Variants in PTPRN2 observed in about 807,000 individuals in gnomAD.
PTPRN2 encodes receptor-type tyrosine-protein phosphatase N2.
PTPRN2 carries 74 observed loss-of-function variants against 118.8 expected under a neutral mutation model. The observed-to-expected ratio is 0.62, with a 90% CI of 0.52 to 0.76. The LOEUF is 0.76. Among genes scored for constraint, PTPRN2 ranks in the 30% least tolerant of loss-of-function variants. PTPRN2 has a pLI of 0.00. For missense variants in PTPRN2, 1,481 were observed against 1,394.4 expected (o/e 1.06, Z -0.99); for synonymous variants, 641 against 608.0 (o/e 1.05, Z -0.80).
In PTPRN2 at chr7:157,968,167, G is replaced by A. The variant is rs1300815587; in HGVS notation, c.1724-69430C>T. On this transcript the variant is annotated intron_variant, in intron 11 of 22. Coordinates refer to ENST00000389418, the MANE Select transcript of PTPRN2 (RefSeq NM_002847.5). ...GACTCAATATTAAAAAAATTCACAT[G>A]GTGTTTTATGGTTTACAAGGCAGCC... is the stretch of plus-strand genomic sequence containing the variant. Among the ~76,000 whole-genome samples, 3 of 152,038 alleles carry A rather than the reference G, an allele frequency of 2.0e-5. No homozygotes were observed. The East Asian group carries it at 5.8e-4, about 29-fold the overall frequency.
At chr7:158,187,615 G>C (rs1195387093) in intron 5 of PTPRN2, among the ~76,000 whole-genome samples, 2 of 152,174 alleles carry the variant, frequency 1.3e-5, no homozygotes, top group East Asian at 3.8e-4. Context: ...AAGAAAATGA[G>C]TTCTGGGTTT....
chr7:158,299,281 G>A lies in PTPRN2; in HGVS notation c.277+17538C>T, dbSNP rs369250213. 2.8e-4 allele frequency among the ~76,000 whole-genome samples: 42 copies of A among 150,172 alleles called. 1 individual carries two copies. Among genetic ancestry groups the A allele is most frequent in the South Asian group, 1.9e-3 (9 of 4,636 alleles). ...CCTTCCCACCTTTCTGCAGATGCAC[G>A]CAGGGCTCTCAGGAAGCAATTTTTT... is the stretch of plus-strand genomic sequence containing the variant. On this transcript the variant is annotated intron_variant, in intron 3 of 22. Transcript: ENST00000389418.
intron 3 of PTPRN2, among the ~76,000 whole-genome samples, chr7:158,270,446 G>C (rs930120650): frequency 1.3e-5 from 2 of 152,142 alleles, no homozygotes; most frequent in African/African-American, 4.8e-5. Flanking sequence ...CCTTCACAGA[G>C]GGTGATCCTA....
intron 10 of PTPRN2, among the ~76,000 whole-genome samples, chr7:158,107,840 C>T (rs1419909308): frequency 6.6e-6 from 1 of 151,942 alleles, no homozygotes; most frequent in Non-Finnish European, 1.5e-5. Flanking sequence ...TCTGCATCTG[C>T]CCTGCACCTG....
chr7:158,127,754 G>A (rs567478137), intron 9 of PTPRN2, among the ~76,000 whole-genome samples: 1 of 152,254 alleles, frequency 6.6e-6, no homozygotes, highest in East Asian at 1.9e-4. Flanking sequence ...GGATTTAGAA[G>A]GCAGGTTCCT....
chr7:158,490,101 G>T (rs930827713), intron 1 of PTPRN2, among the ~76,000 whole-genome samples: 1 of 152,162 alleles, frequency 6.6e-6, no homozygotes, highest in African/African-American at 2.4e-5. Flanking sequence ...CGGGGCCGGG[G>T]CCTCCCCTTG....
Position 158,455,978 on chromosome 7 carries a change from G to A in PTPRN2, c.163+33757C>T, listed in dbSNP as rs369502485. ...AGAAGATAACGGCATGGACGCCATC[G>A]GCCACGGCCACCCATTGCTCTGCAG... is the stretch of plus-strand genomic sequence containing the variant. On this transcript the variant is annotated intron_variant, in intron 2 of 22. Transcript: ENST00000389418. 1.7e-4 allele frequency among the ~76,000 whole-genome samples: 26 copies of A among 149,838 alleles called. 1 individual carries two copies. The East Asian group carries it at 2.8e-3, about 16-fold the overall frequency.
At chr7:158,135,258 T>C (rs189003318) in intron 8 of PTPRN2, among the ~76,000 whole-genome samples, 2 of 152,348 alleles carry the variant, frequency 1.3e-5, no homozygotes, top group Admixed American at 1.3e-4. Flanking sequence ...ATTATTCCCA[T>C]TTTGGCTACA....
intron 3 of PTPRN2, among the ~76,000 whole-genome samples, chr7:158,249,184 C>T (rs879933742): frequency 5.9e-5 from 9 of 151,956 alleles, no homozygotes; most frequent in East Asian, 1.9e-4. Context: ...AGCACACACA[C>T]GAACACACAT....
Position 158,472,244 on chromosome 7 carries a change from G to A in PTPRN2, c.163+17491C>T, listed in dbSNP as rs146300673. ...AGAACGATGAACCACCATAAATTCCGTGGGCCTTTGAGAAGCCGAAGGGTG... is the reference window on the plus strand; with the variant it reads ...AGAACGATGAACCACCATAAATTCCATGGGCCTTTGAGAAGCCGAAGGGTG... On this transcript the variant is annotated intron_variant, in intron 2 of 22. Coordinates refer to ENST00000389418, the MANE Select transcript of PTPRN2 (RefSeq NM_002847.5). Among the ~76,000 whole-genome samples, 464 of 152,276 alleles carry A rather than the reference G, an allele frequency of 3.0e-3. 16 individuals are homozygous for A. In the South Asian group the frequency reaches 0.05, roughly 16 times the overall value.
At chr7:158,181,664 G>A (rs1824718702) in intron 5 of PTPRN2, among the ~76,000 whole-genome samples, 1 of 152,082 alleles carries the variant, frequency 6.6e-6, no homozygotes, top group Non-Finnish European at 1.5e-5. Context: ...ATTTAATCTA[G>A]GAGGGTTGTA....
At chr7:157,912,068 C>G (rs1382191145) in intron 11 of PTPRN2, among the ~76,000 whole-genome samples, 2 of 152,182 alleles carry the variant, frequency 1.3e-5, no homozygotes, top group African/African-American at 4.8e-5. Context: ...ACACGTGTCT[C>G]CAGGCCCATG....
chr7:157,988,300 GTCTC>G (rs932706747), intron 11 of PTPRN2, among the ~76,000 whole-genome samples: 2 of 150,870 alleles, frequency 1.3e-5, no homozygotes, highest in Non-Finnish European at 3.0e-5. Flanking sequence ...TGCAGTCTCT[GTCTC>G]TCTCTCTCAT....
intron 11 of PTPRN2, among the ~76,000 whole-genome samples, chr7:157,968,100 G>A (rs985131380): frequency 1.3e-5 from 2 of 152,136 alleles, no homozygotes; most frequent in African/African-American, 4.8e-5. Context: ...GGAGGGCAGG[G>A]GAGGACCCAC....
intron 10 of PTPRN2, among the ~76,000 whole-genome samples, chr7:158,098,036 G>A (rs1308489747): frequency 1.3e-5 from 2 of 151,982 alleles, no homozygotes; most frequent in Admixed American, 6.6e-5. Flanking sequence ...CCACACCCCC[G>A]TCCGTCCCTC....
intron 2 of PTPRN2, among the ~76,000 whole-genome samples, chr7:158,411,688 T>A (rs892767144): frequency 6.6e-6 from 1 of 152,172 alleles, no homozygotes; most frequent in Non-Finnish European, 1.5e-5. Flanking sequence ...CCAACGCCAA[T>A]GGAGGTGGAA....
At chr7:157,706,107 C>T (rs1436198525) in intron 12 of PTPRN2, among the ~76,000 whole-genome samples, 3 of 151,104 alleles carry the variant, frequency 2.0e-5, no homozygotes, top group Non-Finnish European at 3.0e-5. Flanking sequence ...TCCGGATTAA[C>T]GTGGACCACA....
chr7:158,131,735 ACACT>A (rs1211518403), intron 9 of PTPRN2, among the ~76,000 whole-genome samples: 2 of 151,532 alleles, frequency 1.3e-5, no homozygotes, highest in East Asian at 2.0e-4. Flanking sequence ...TCTACCCAAC[ACACT>A]CATACACACA....
chr7:158,154,765 T>C (rs62480247), intron 6 of PTPRN2, among the ~76,000 whole-genome samples: 16 of 24,076 alleles, frequency 6.6e-4, no homozygotes, highest in Non-Finnish European at 1.4e-4. Context: ...AAATCATAAG[T>C]ATATAAGAGA....
Sources: allele counts gnomAD v4.1 joint callset (sites outside exome capture counted in the v4.1 genomes callset), GRCh38; gene constraint gnomAD v4.1.1; transcripts MANE v1.5; gene names NCBI Gene and HGNC (gene_info 2026-07-23, HGNC 2026-07-21).